SLC9B1: variants seen among roughly 807,000 people sequenced by gnomAD.
The protein encoded by SLC9B1 is sodium/hydrogen exchanger 9B1.
A neutral mutation model predicts 51.7 loss-of-function variants in SLC9B1; 32 were observed. That is an observed-to-expected ratio of 0.62 (90% CI 0.47 to 0.83). The LOEUF (loss-of-function observed/expected upper bound fraction) is 0.83, where lower values mean the gene tolerates loss of function less well. SLC9B1 is among the 40% of genes least tolerant of loss of function. SLC9B1 has a pLI of 0.00. For synonymous variants in SLC9B1, 145 were observed against 212.7 expected (o/e 0.68, Z 2.77); for missense variants, 406 against 613.2 (o/e 0.66, Z 3.57).
At chr4:102,950,783 C>T (rs1480276840) in intron 3 of SLC9B1, among the ~76,000 whole-genome samples, 1 of 152,126 alleles carries the variant, frequency 6.6e-6, no homozygotes, top group African/African-American at 2.4e-5. Context: ...CACCTGAGCT[C>T]AGGAGTTCAA....
At chr4:102,912,049 C>T (rs922144315) in intron 7 of SLC9B1, 2 of 206,548 alleles carry the variant, frequency 9.7e-6, no homozygotes, top group Non-Finnish European at 2.1e-5. Flanking sequence ...AGGAGAATCA[C>T]TTGAACCCGG....
chr4:103,015,219 T>C (rs1357183724), intron 1 of SLC9B1, among the ~76,000 whole-genome samples: 13 of 149,564 alleles, frequency 8.7e-5, no homozygotes, highest in Non-Finnish European at 1.2e-4. Flanking sequence ...TATACATTAA[T>C]GTATGAAAGG....
chr4:102,923,363 C>T (rs534862874), intron 7 of SLC9B1, among the ~76,000 whole-genome samples: 2 of 152,252 alleles, frequency 1.3e-5, no homozygotes, highest in South Asian at 2.1e-4. Context: ...AATTCAACAG[C>T]CCTTCATGCT....
chr4:102,904,744 G>A (rs1734943931), intron 11 of SLC9B1, among the ~76,000 whole-genome samples: 1 of 152,140 alleles, frequency 6.6e-6, no homozygotes, highest in Admixed American at 6.5e-5. Flanking sequence ...CACTTTGGGA[G>A]GCTGAGGCGG....
At chr4:103,018,317 CCAGACTTCACCA>C (rs1251137791) in intron 1 of SLC9B1, among the ~76,000 whole-genome samples, 1 of 152,082 alleles carries the variant, frequency 6.6e-6, no homozygotes, top group Non-Finnish European at 1.5e-5. Flanking sequence ...CTCTAAAAGC[CCAGACTTCACCA>C]CTGTGCAATA....
At chr4:102,930,142 C>G (rs1736378607) in intron 7 of SLC9B1, among the ~76,000 whole-genome samples, 1 of 152,142 alleles carries the variant, frequency 6.6e-6, no homozygotes, top group Middle Eastern at 3.2e-3. Context: ...GGATATTTAA[C>G]AGCACTAGTA....
chr4:102,912,006 A>T (rs1735361955), intron 7 of SLC9B1: 1 of 197,676 alleles, frequency 5.1e-6, no homozygotes, highest in Non-Finnish European at 1.1e-5. Context: ...GGTGGCACAC[A>T]CCTGTGGTCC....
At chr4:102,949,157 T>C (rs1737417765) in intron 4 of SLC9B1, 100 bp downstream of exon 4, 1 of 1,007,456 alleles carries the variant, frequency 9.9e-7, no homozygotes, top group African/African-American at 1.6e-5. Flanking sequence ...TAAAACATAC[T>C]ACATTGAAAT....
Position 102,901,337 on chromosome 4 carries a change from AT to A in SLC9B1, c.1333-6del. ...AGCCAGAGGACCTAACACAGCCTGC[AT>A]TTAGGGGTAAAAATGGGGCATAAAG... On this transcript the variant is annotated splice_polypyrimidine_tract_variant and splice_region_variant and intron_variant, in intron 11 of 11. Transcript: ENST00000296422. 6.9e-7 allele frequency: 1 copy of A among 1,456,538 alleles called. No individual in the cohort carries two copies. Among genetic ancestry groups the A allele is most frequent in the Non-Finnish European group, 9.5e-7 (1 of 1,056,972 alleles). 90.2% of individuals were successfully genotyped at this position (1,456,538 alleles called of 1,614,324 possible).
At position 102,946,741 on chromosome 4, in the gene SLC9B1, T is replaced by C; in HGVS notation, c.431A>G (p.Glu144Gly). The C allele has an allele frequency of 6.2e-7, 1 of 1,609,478 alleles. No individual in the cohort carries two copies. Among genetic ancestry groups the C allele is most frequent in the Non-Finnish European group, 8.5e-7 (1 of 1,178,974 alleles). Residue 144 changes from glutamate to glycine, a missense_variant, in exon 5 of 12, where the codon GAA (glutamate) becomes GGA (glycine). Glu to Gly is a moderately conservative substitution (Grantham distance 98, BLOSUM62 -2). Transcript: ENST00000296422. ...FTIRNVPFIN[E>G]HVHVPNTWSS... ...CCATGTGTTAGGAACATGGACATGT[T>C]CATTGATGAATGGAACATTCCTAAT...
chr4:102,887,205 T>C, intron 11 of SLC9B1: 1 of 617,634 alleles, frequency 1.6e-6, no homozygotes, highest in South Asian at 1.8e-5. Context: ...GGATGTAGAA[T>C]GTAACTATTA....
intron 6 of SLC9B1, among the ~76,000 whole-genome samples, chr4:102,944,773 T>G (rs1737184137): frequency 6.6e-6 from 1 of 152,266 alleles, no homozygotes; most frequent in Non-Finnish European, 1.5e-5. Flanking sequence ...TTGCTTGCTT[T>G]CTTTAAAATG....
At chr4:103,003,185 A>G (rs1354786637) in intron 1 of SLC9B1, among the ~76,000 whole-genome samples, 1 of 152,088 alleles carries the variant, frequency 6.6e-6, no homozygotes, top group Non-Finnish European at 1.5e-5. Context: ...TTGTTTCTTC[A>G]GTTCTTTACT....
At chr4:103,005,849 T>C (rs1184590991) in intron 1 of SLC9B1, among the ~76,000 whole-genome samples, 1 of 152,154 alleles carries the variant, frequency 6.6e-6, no homozygotes, top group African/African-American at 2.4e-5. Context: ...GAATGACTTT[T>C]GGGTAAACAA....
At chr4:102,943,234 G>A (rs1008017003) in intron 6 of SLC9B1, among the ~76,000 whole-genome samples, 3 of 151,746 alleles carry the variant, frequency 2.0e-5, no homozygotes, top group Non-Finnish European at 4.4e-5. Flanking sequence ...TGGGGGGAAT[G>A]TAAACTAGTA....
At chr4:102,966,411 C>T (rs1371333934) in intron 3 of SLC9B1, among the ~76,000 whole-genome samples, 1 of 152,222 alleles carries the variant, frequency 6.6e-6, no homozygotes, top group South Asian at 2.1e-4. Flanking sequence ...CAAGGCTTAC[C>T]ACTTGCACCC....
chr4:102,983,021 T>C (rs1739434867), intron 3 of SLC9B1, among the ~76,000 whole-genome samples: 1 of 152,120 alleles, frequency 6.6e-6, no homozygotes, highest in Admixed American at 6.6e-5. Flanking sequence ...TGTAGGATTT[T>C]AGTAGATAGT....
intron 7 of SLC9B1, among the ~76,000 whole-genome samples, chr4:102,928,426 A>C (rs1736295292): frequency 6.6e-6 from 1 of 152,172 alleles, no homozygotes; most frequent in African/African-American, 2.4e-5. Context: ...TCACTGTCCA[A>C]GTCACTATCA....
downstream of SLC9B1, among the ~76,000 whole-genome samples, chr4:102,899,730 T>C (rs1214231404): frequency 6.6e-6 from 1 of 152,162 alleles, no homozygotes; most frequent in East Asian, 1.9e-4. Context: ...TATTTTCTTG[T>C]AAGTGACAAT....
Sources: gnomAD v4.1 joint callset for allele counts (sites outside exome capture counted in the v4.1 genomes callset) on GRCh38, gnomAD v4.1.1 for gene constraint, MANE v1.5 for transcripts, NCBI Gene and HGNC (gene_info 2026-07-23, HGNC 2026-07-21) for gene names.